Variants in SEH1L observed in about 807,000 individuals in gnomAD.
The protein encoded by SEH1L is nucleoporin SEH1.
SEH1L carries 18 observed loss-of-function variants against 49.5 expected under a neutral mutation model. The ratio of observed to expected loss-of-function variants is 0.36; its 90% CI spans 0.25 to 0.54. SEH1L has a LOEUF of 0.54. Among genes scored for constraint, SEH1L ranks in the 20% least tolerant of loss-of-function variants. The probability of loss-of-function intolerance (pLI) is 0.87; values close to 1 mark genes in which losing one functional copy is unlikely to be tolerated. For synonymous variants in SEH1L, 169 were observed against 178.1 expected, an observed-to-expected ratio of 0.95 and a Z score of 0.41; for missense variants, 404 against 528.8, an observed-to-expected ratio of 0.76 and a Z score of 2.31.
intron 5 of SEH1L, chr18:12,977,696 C>T (rs901559419): frequency 6.6e-6 from 1 of 152,206 alleles, no homozygotes; most frequent in Non-Finnish European, 1.5e-5. Context: ...TGCACTCCAG[C>T]ACAAGAGTGA....
intron 3 of SEH1L, among the ~76,000 whole-genome samples, chr18:12,955,935 T>C (rs931730909): frequency 2.0e-5 from 3 of 152,026 alleles, no homozygotes; most frequent in African/African-American, 7.2e-5. Context: ...AGTCTCAAAC[T>C]CCTGGCCCCA....
chr18:12,950,859 G>T (rs1598937578), intron 1 of SEH1L, among the ~76,000 whole-genome samples: 1 of 151,948 alleles, frequency 6.6e-6, no homozygotes, highest in South Asian at 2.1e-4. Context: ...TTGCCATGTT[G>T]CCCAGGCTGG....
intron 6 of SEH1L, 48 bp from the exon 7 acceptor site, chr18:12,982,470 T>C (rs548669565): frequency 1.4e-6 from 2 of 1,463,566 alleles, no homozygotes; most frequent in African/African-American, 1.4e-5. Context: ...TATATATATG[T>C]TTTAAAACTT....
chr18:12,949,376 A>G (rs2030350918), intron 1 of SEH1L, among the ~76,000 whole-genome samples: 1 of 148,032 alleles, frequency 6.8e-6, no homozygotes, highest in East Asian at 2.0e-4. Flanking sequence ...TAGTGTTGCA[A>G]TTTTTAAAAG....
intron 1 of SEH1L, among the ~76,000 whole-genome samples, chr18:12,950,002 A>T (rs2030418942): frequency 6.6e-6 from 1 of 151,214 alleles, no homozygotes; most frequent in Admixed American, 6.6e-5. Flanking sequence ...TATTTGGTTT[A>T]TTTCACTTAG....
In SEH1L at chr18:12,953,551, A is replaced by G. The variant is rs961203096; in HGVS notation, c.162+1646A>G. Among the ~76,000 whole-genome samples, 3 of 152,186 alleles carry G rather than the reference A, an allele frequency of 2.0e-5. No individual in the cohort carries two copies. The South Asian group carries it at 6.2e-4, about 31-fold the overall frequency. ...TAGTAGTTGAGAAGTGACCACAAAAATCATTGGATTTTGATTTGTATTTCC... is the reference window on the plus strand; with the variant it reads ...TAGTAGTTGAGAAGTGACCACAAAAGTCATTGGATTTTGATTTGTATTTCC... On this transcript the variant is annotated intron_variant, in intron 2 of 8. Coordinates refer to ENST00000399892, the MANE Select transcript of SEH1L (RefSeq NM_001013437.2).
intron 3 of SEH1L, among the ~76,000 whole-genome samples, chr18:12,962,006 C>G (rs933082701): frequency 2.0e-5 from 3 of 152,118 alleles, no homozygotes; most frequent in South Asian, 2.1e-4. Flanking sequence ...ATCTGTGTGC[C>G]AGAAGATAAC....
intron 4 of SEH1L, among the ~76,000 whole-genome samples, chr18:12,964,827 C>T (rs966000954): frequency 6.6e-6 from 1 of 150,680 alleles, no homozygotes; most frequent in Non-Finnish European, 1.5e-5. Context: ...TTAGTAGAGA[C>T]GGGGTTTGTC....
At chr18:12,952,424 G>A (rs1165116354) in intron 2 of SEH1L, among the ~76,000 whole-genome samples, 1 of 151,962 alleles carries the variant, frequency 6.6e-6, no homozygotes, top group Non-Finnish European at 1.5e-5. Flanking sequence ...GCAGAGATGG[G>A]GTTTCGCCAT....
intron 3 of SEH1L, among the ~76,000 whole-genome samples, chr18:12,962,173 A>G (rs1048216797): frequency 6.6e-6 from 1 of 151,878 alleles, no homozygotes; most frequent in Non-Finnish European, 1.5e-5. Flanking sequence ...AGGTGGGAAG[A>G]TCAGTTGAGG....
intron 5 of SEH1L, chr18:12,971,453 T>C: frequency 2.7e-6 from 1 of 370,606 alleles, no homozygotes; most frequent in South Asian, 3.2e-5. Context: ...GCCAATATGG[T>C]GAAACCCCGT....
In SEH1L at chr18:12,969,009, G is replaced by A. The variant is rs1405049598; in HGVS notation, c.522-2144G>A. 3.3e-5 allele frequency among the ~76,000 whole-genome samples: 5 copies of A among 152,034 alleles called. No individual in the cohort carries two copies. In the South Asian group the frequency reaches 8.3e-4, roughly 25 times the overall value. ...GCAGATCACCTAAGGTCGGGAGTTC[G>A]AGACCAGTCTGACCAACATGGAGAA... On this transcript the variant is annotated intron_variant, in intron 4 of 8. Transcript: ENST00000399892.
intron 3 of SEH1L, among the ~76,000 whole-genome samples, chr18:12,962,626 C>A (rs1307858033): frequency 4.0e-5 from 6 of 149,688 alleles, no homozygotes; most frequent in Non-Finnish European, 8.9e-5. Context: ...CACCACCACA[C>A]CTGGCTTTTT....
At chr18:12,958,443 G>T (rs1212824540) in intron 3 of SEH1L, among the ~76,000 whole-genome samples, 2 of 152,136 alleles carry the variant, frequency 1.3e-5, no homozygotes, top group Non-Finnish European at 2.9e-5. Context: ...TCACAGTGCT[G>T]TGTACCCATC....
intron 4 of SEH1L, among the ~76,000 whole-genome samples, chr18:12,967,077 G>A (rs1053436030): frequency 6.6e-6 from 1 of 152,056 alleles, no homozygotes; most frequent in Non-Finnish European, 1.5e-5. Context: ...TTTAAAATTT[G>A]CATTTGTTTG....
At chr18:12,983,924 G>A (rs1357210118) in intron 7 of SEH1L, 116 bp from the exon 8 acceptor site, 12 of 639,756 alleles carry the variant, frequency 1.9e-5, no homozygotes, top group African/African-American at 3.6e-5. Context: ...TGAAAGAAAT[G>A]TAGCTCATAG....
Position 12,986,833 on chromosome 18 carries a change from G to A in SEH1L, c.1071-29G>A. On this transcript the variant is annotated intron_variant, in intron 8 of 8. Transcript: ENST00000399892. Reference sequence around the variant, plus strand: ...TTTTTTCCTGTTTTTGTTTTGTTTGGTGTTTTGTTCCTGTCTTCATTGTTT... The same window carrying A: ...TTTTTTCCTGTTTTTGTTTTGTTTGATGTTTTGTTCCTGTCTTCATTGTTT... 1.5e-6 allele frequency: 2 copies of A among 1,307,062 alleles called. No individual in the cohort carries two copies. Among genetic ancestry groups the A allele is most frequent in the Non-Finnish European group, 2.0e-6 (2 of 1,020,064 alleles). 81.0% of individuals were successfully genotyped at this position (1,307,062 alleles called of 1,614,324 possible).
chr18:12,948,709 A>C (rs1198733307), intron 1 of SEH1L: 3 of 154,888 alleles, frequency 1.9e-5, no homozygotes, highest in African/African-American at 7.2e-5. Context: ...GCAGAAGCTC[A>C]CTTTGTTACG....
chr18:12,980,105 C>T (rs1271890456), intron 6 of SEH1L, among the ~76,000 whole-genome samples: 4 of 110,188 alleles, frequency 3.6e-5, no homozygotes, highest in Non-Finnish European at 5.5e-5. Flanking sequence ...ACCTCCCTCC[C>T]GGACAGGGCG....
Sources: allele counts gnomAD v4.1 joint callset (sites outside exome capture counted in the v4.1 genomes callset), GRCh38; gene constraint gnomAD v4.1.1; transcripts MANE v1.5; gene names NCBI Gene and HGNC (gene_info 2026-07-23, HGNC 2026-07-21).